MRC2: variants seen among roughly 807,000 people sequenced by gnomAD.
MRC2 encodes the protein mannose receptor C-type 2, also known as C-type mannose receptor 2.
A neutral mutation model predicts 206.2 loss-of-function variants in MRC2; 84 were observed. The ratio of observed to expected loss-of-function variants is 0.41; its 90% CI spans 0.34 to 0.49. MRC2 has a LOEUF of 0.49. MRC2 is among the 20% of genes least tolerant of loss of function. MRC2 has a pLI of 0.31. For missense variants in MRC2, 1,676 were observed against 2,001.5 expected (o/e 0.84, Z 3.10); for synonymous variants, 798 against 800.0 (o/e 1.00, Z 0.04).
At chr17:62,654,575 G>T (rs534464757) in intron 1 of MRC2, among the ~76,000 whole-genome samples, 2 of 152,172 alleles carry the variant, frequency 1.3e-5, no homozygotes, top group East Asian at 3.9e-4. Flanking sequence ...GGCTGAGTCC[G>T]GGGAAACTGC....
intron 6 of MRC2, among the ~76,000 whole-genome samples, chr17:62,669,954 C>G (rs2088807169): frequency 6.6e-6 from 1 of 152,236 alleles, no homozygotes; most frequent in Non-Finnish European, 1.5e-5. Flanking sequence ...ACCTCCACCT[C>G]TAGCTGGAGG....
In MRC2 at chr17:62,689,617, C is replaced by G. The variant is rs371508542; in HGVS notation, c.3430C>G (p.Leu1144Val). The change falls in exon 24 of 30, where the codon CTG (leucine) becomes GTG (valine). Residue 1144 changes from leucine (L) to valine (V), a missense_variant. Physicochemically the swap from Leu to Val is conservative, Grantham distance 32 (BLOSUM62 1). Transcript: ENST00000303375. ...NGTFRLLQKP[L>V]RWHDALLLCE... ...CACCTTCCGGCTGCTTCAGAAGCCG[C>G]TGCGCTGGCACGATGCCCTCCTGCT... 1 of 1,603,602 alleles carries G rather than the reference C, an allele frequency of 6.2e-7. No homozygotes were observed. The highest frequency in any genetic ancestry group is 1.7e-5 in the Admixed American group (1 of 58,972).
At chr17:62,643,572 T>C (rs1349466864) in intron 1 of MRC2, among the ~76,000 whole-genome samples, 1 of 152,112 alleles carries the variant, frequency 6.6e-6, no homozygotes, top group African/African-American at 2.4e-5. Context: ...CTGCAATAGT[T>C]TTAAGGCAAC....
intron 23 of MRC2, 79 bp from the exon 24 acceptor site, chr17:62,689,443 C>T (rs2465427): frequency 0.94 from 911,306 of 965,320 alleles, 436,364 homozygotes; most frequent in Non-Finnish European, 0.98. Context: ...GCCTGGTGTG[C>T]GGCCTTCTCC....
At chr17:62,641,240 C>T (rs1418720012) in intron 1 of MRC2, among the ~76,000 whole-genome samples, 4 of 148,716 alleles carry the variant, frequency 2.7e-5, no homozygotes, top group South Asian at 2.1e-4. Flanking sequence ...TGGGTGGATC[C>T]GGAAGGTGGA....
chr17:62,662,968 T>G (rs915651474), intron 1 of MRC2, among the ~76,000 whole-genome samples: 1 of 152,176 alleles, frequency 6.6e-6, no homozygotes, highest in African/African-American at 2.4e-5. Flanking sequence ...GGATTCATCA[T>G]TTCAACACAT....
At chr17:62,657,409 C>T (rs1023156594) in intron 1 of MRC2, among the ~76,000 whole-genome samples, 2 of 152,224 alleles carry the variant, frequency 1.3e-5, no homozygotes, top group Admixed American at 6.5e-5. Flanking sequence ...AGCTCCCTGC[C>T]TAGCTTCATT....
In MRC2 at chr17:62,666,677, G is replaced by T. The variant is rs1408405808; in HGVS notation, c.859+58G>T. 20 of 1,557,742 alleles carry T rather than the reference G, an allele frequency of 1.3e-5. No homozygotes were observed. The highest frequency in any genetic ancestry group is 2.3e-5 in the East Asian group (1 of 43,100). On this transcript the variant is annotated intron_variant, in intron 4 of 29. Transcript: ENST00000303375. This position sits in a 1 kb window ranked among gnomAD's most constrained non-coding sequence, Gnocchi z 5.0. The stretch of plus-strand genomic sequence containing the variant: ...TGGAGGGCCCGGGCCCTTTCCGCTT[G>T]TGGGTTGGGGAGAGGGCGATGGGGA...
At position 62,675,521 on chromosome 17, in the gene MRC2, G is replaced by A. The variant is rs911110610; in HGVS notation, c.1570-269G>A. On this transcript the variant is annotated intron_variant, in intron 9 of 29. Coordinates refer to ENST00000303375, the MANE Select transcript of MRC2 (RefSeq NM_006039.5). This position sits in a 1 kb window ranked among gnomAD's most constrained non-coding sequence, Gnocchi z 4.1. Reference sequence around the variant, plus strand: ...AGCCTGAAGGGCCATTCATCTTCCCGAGCCGGGTCACTGGCCGGTCGCTGG... The same window carrying A: ...AGCCTGAAGGGCCATTCATCTTCCCAAGCCGGGTCACTGGCCGGTCGCTGG... Among the ~76,000 whole-genome samples the A allele has an allele frequency of 4.6e-5, 7 of 152,186 alleles. No individual in the cohort carries two copies. The East Asian group carries it at 7.7e-4, about 17-fold the overall frequency.
chr17:62,653,835 G>A (rs181881205), intron 1 of MRC2, among the ~76,000 whole-genome samples: 97 of 152,252 alleles, frequency 6.4e-4, no homozygotes, highest in Non-Finnish European at 8.8e-5. Flanking sequence ...ACAGTTGGGC[G>A]GGGTATTGGG....
rs1483023181 is a variant in MRC2, at chr17:62,672,020, C to T, written c.1329C>T (p.Gly443=). The T allele has an allele frequency of 6.2e-7, 1 of 1,614,154 alleles. No homozygotes were observed. Among genetic ancestry groups the T allele is most frequent in the Admixed American group, 1.7e-5 (1 of 60,028 alleles). Residue 443 remains glycine (G), a synonymous_variant, in exon 8 of 30, where the codon GGC becomes GGT. Coordinates refer to ENST00000303375, the MANE Select transcript of MRC2 (RefSeq NM_006039.5). The surrounding 1 kb of genome is among the most constrained non-coding windows in gnomAD (Gnocchi z 4.5). ...IKQEVEELWI[G]LNDLKLQMNF... ...CAGAGGTGGAGGAGCTGTGGATCGG[C>T]CTCAACGATTTGAAACTGCAGATGA...
chr17:62,653,994 C>T (rs1000231282), intron 1 of MRC2, among the ~76,000 whole-genome samples: 2 of 152,150 alleles, frequency 1.3e-5, no homozygotes, highest in African/African-American at 2.4e-5. Context: ...GGCCTCTTAG[C>T]AGGGTGGGGC....
chr17:62,630,044 C>G (rs1375238349), intron 1 of MRC2, among the ~76,000 whole-genome samples: 1 of 152,114 alleles, frequency 6.6e-6, no homozygotes, highest in Non-Finnish European at 1.5e-5. Context: ...GGAAGGAGTC[C>G]TCTTTGTTAG....
rs2245463 is a variant in MRC2 at position 62,680,912 on chromosome 17, G to T, written c.2586G>T (p.Ser862=). 2 of 1,613,228 alleles carry T rather than the reference G, an allele frequency of 1.2e-6. No homozygotes were observed. The highest frequency in any genetic ancestry group is 1.7e-6 in the Non-Finnish European group (2 of 1,179,950). The change falls in exon 17 of 30, where the codon TCG becomes TCT. Residue 862 remains serine (S), a synonymous_variant. Transcript: ENST00000303375. This position sits in a 1 kb window ranked among gnomAD's most constrained non-coding sequence, Gnocchi z 4.8. ...CGTGGTTCCAGGCCGAGCTGACCTCGGTGCACAGCCAGGCGGAGCTAGACT... is the reference window on the plus strand; with the variant it reads ...CGTGGTTCCAGGCCGAGCTGACCTCTGTGCACAGCCAGGCGGAGCTAGACT... ...ICTWFQAELT[S]VHSQAELDFL...
rs1555675622 is a variant in MRC2 at position 62,643,341 on chromosome 17, A to AAAG, written c.118+15423_118+15424insGAA. Among the ~76,000 whole-genome samples, 46 of 142,964 alleles carry AAAG rather than the reference A, an allele frequency of 3.2e-4. No homozygotes were observed. The South Asian group carries it at 4.6e-3, about 14-fold the overall frequency. 93.8% of individuals were successfully genotyped at this position (142,964 alleles called of 152,430 possible). A position where few individuals can be genotyped will look rare whatever the true frequency, so the allele number is the denominator to read the frequency against. On this transcript the variant is annotated intron_variant, in intron 1 of 29. Coordinates refer to ENST00000303375, the MANE Select transcript of MRC2 (RefSeq NM_006039.5). ...TGAAACTCCGTCAAAAAAAAAAAAAAAAAAAAGAAAAAGAAAAGAAAAAAG... is the reference window on the plus strand; with the variant it reads ...TGAAACTCCGTCAAAAAAAAAAAAAAAAGAAAAAAGAAAAAGAAAAGAAAAAAG...
chr17:62,692,806 C>G lies in MRC2; in HGVS notation c.*355C>G. 1 of 261,176 alleles carries G rather than the reference C, an allele frequency of 3.8e-6. No individual in the cohort carries two copies. Among genetic ancestry groups the G allele is most frequent in the South Asian group, 5.4e-5 (1 of 18,408 alleles). The allele number at this position is 261,176 out of a possible 1,614,324, so 16.2% of individuals were successfully genotyped here. A position where few individuals can be genotyped will look rare whatever the true frequency, so the allele number is the denominator to read the frequency against. On this transcript the variant is annotated 3_prime_UTR_variant, in exon 30 of 30. Coordinates refer to ENST00000303375, the MANE Select transcript of MRC2 (RefSeq NM_006039.5). The surrounding 1 kb of genome is among the most constrained non-coding windows in gnomAD (Gnocchi z 4.2). Reference sequence around the variant, plus strand: ...CCTGTTGATCCGCGCCCCAGGACCCCCTTCTTTGCAGAGCCCGAGGAGCCT... The same window carrying G: ...CCTGTTGATCCGCGCCCCAGGACCCGCTTCTTTGCAGAGCCCGAGGAGCCT...
chr17:62,636,260 A>C (rs1252860184), intron 1 of MRC2, among the ~76,000 whole-genome samples: 1 of 151,688 alleles, frequency 6.6e-6, no homozygotes, highest in Non-Finnish European at 1.5e-5. Context: ...CAAAAAAAAA[A>C]AAAAGTAAAA....
intron 1 of MRC2, among the ~76,000 whole-genome samples, chr17:62,640,341 T>C (rs1238669424): frequency 6.6e-6 from 1 of 152,190 alleles, no homozygotes; most frequent in Non-Finnish European, 1.5e-5. Context: ...GTTTTTGTTT[T>C]CTTTCCTGAA....
Position 62,680,023 on chromosome 17 carries a change from C to T in MRC2, c.2298+121C>T, listed in dbSNP as rs996135740. ...GGGCCGGGCCCCCAGTCGGAGCCGG[C>T]TTCAGGAAAGCAGGTCCGAGAGGGG... On this transcript the variant is annotated intron_variant, in intron 14 of 29. Coordinates refer to ENST00000303375, the MANE Select transcript of MRC2 (RefSeq NM_006039.5). This position sits in a 1 kb window ranked among gnomAD's most constrained non-coding sequence, Gnocchi z 4.8. The T allele has an allele frequency of 1.3e-6, 2 of 1,491,960 alleles. No individual in the cohort carries two copies. Among genetic ancestry groups the T allele is most frequent in the African/African-American group, 2.8e-5 (2 of 72,012 alleles). 92.4% of individuals were successfully genotyped at this position (1,491,960 alleles called of 1,614,324 possible).
Sources: gnomAD v4.1 joint callset for allele counts (sites outside exome capture counted in the v4.1 genomes callset) on GRCh38, gnomAD v4.1.1 for gene constraint, Gnocchi (gnomAD v3.1) non-coding constraint, MANE v1.5 for transcripts, NCBI Gene and HGNC (gene_info 2026-07-23, HGNC 2026-07-21) for gene names.